Variants in ATP10B observed in about 807,000 individuals in gnomAD.
The protein encoded by ATP10B is phospholipid-transporting ATPase VB.
In ATP10B, 122 loss-of-function variants were observed where a neutral mutation model predicts 141.2. The ratio of observed to expected loss-of-function variants is 0.86; its 90% CI spans 0.75 to 1.00. The LOEUF (loss-of-function observed/expected upper bound fraction) is 1.00, where lower values mean the gene tolerates loss of function less well. Among genes scored for constraint, ATP10B ranks in the 50% least tolerant of loss-of-function variants. The pLI is 0.00. For synonymous variants in ATP10B, 685 were observed against 692.0 expected, an observed-to-expected ratio of 0.99 and a Z score of 0.16; for missense variants, 1,876 against 1,825.3, an observed-to-expected ratio of 1.03 and a Z score of -0.51.
intron 1 of ATP10B, among the ~76,000 whole-genome samples, chr5:160,811,844 C>T (rs546689815): frequency 3.3e-5 from 5 of 152,230 alleles, no homozygotes; most frequent in South Asian, 2.1e-4. Flanking sequence ...GGGCCTTGAG[C>T]GCACATAGGC....
In ATP10B at chr5:160,794,301, T is replaced by G. The variant is rs1581544146; in HGVS notation, c.-575-8498A>C. 2.0e-5 allele frequency among the ~76,000 whole-genome samples: 3 copies of G among 152,288 alleles called. No homozygotes were observed. In the South Asian group the frequency reaches 6.2e-4, roughly 32 times the overall value. On this transcript the variant is annotated intron_variant, in intron 1 of 25. Coordinates refer to ENST00000327245, the MANE Select transcript of ATP10B (RefSeq NM_025153.3). ...ACTGCCTTGTCTGTCCTGCATCCCCTGTTTCCTCTGGACAACTGATTTCCT... is the reference window on the plus strand; with the variant it reads ...ACTGCCTTGTCTGTCCTGCATCCCCGGTTTCCTCTGGACAACTGATTTCCT...
At chr5:160,579,624 T>C (rs1171855179) in intron 24 of ATP10B, among the ~76,000 whole-genome samples, 1 of 152,180 alleles carries the variant, frequency 6.6e-6, no homozygotes, top group African/African-American at 2.4e-5. Flanking sequence ...TTGTGTTTTT[T>C]GCTTAGCATT....
At chr5:160,687,638 G>A (rs1299275657) in intron 5 of ATP10B, among the ~76,000 whole-genome samples, 162 bp downstream of exon 5, 5 of 152,080 alleles carry the variant, frequency 3.3e-5, no homozygotes, top group African/African-American at 9.7e-5. Flanking sequence ...GGTGGTGCAC[G>A]CCTGTGGTCC....
chr5:160,574,906 G>A (rs1395187809), intron 24 of ATP10B, among the ~76,000 whole-genome samples: 2 of 151,210 alleles, frequency 1.3e-5, no homozygotes, highest in South Asian at 2.1e-4. Flanking sequence ...TTTGGTCTTA[G>A]ACTTATCAGC....
Position 160,632,337 on chromosome 5 carries a change from T to C in ATP10B, c.1412A>G (p.Asp471Gly), listed in dbSNP as rs1246492070. 1 of 1,614,060 alleles carries C rather than the reference T, an allele frequency of 6.2e-7. No individual in the cohort carries two copies. The highest frequency in any genetic ancestry group is 1.3e-5 in the African/African-American group (1 of 74,934). Residue 471 changes from aspartate to glycine, a missense_variant, in exon 13 of 26, where the codon GAC (aspartate) becomes GGC (glycine). Physicochemically the swap from Asp to Gly is moderately conservative, Grantham distance 94. Coordinates refer to ENST00000327245, the MANE Select transcript of ATP10B (RefSeq NM_025153.3). The part of the protein sequence containing the change: ...AKRLETPKEL[D>G]SDGEEWTQYQ... Reference sequence around the variant, plus strand: ...TTGGGTCCACTCTTCACCATCTGAGTCCAGCTCCTTTGGGGTCTCCAGTCG... The same window carrying C: ...TTGGGTCCACTCTTCACCATCTGAGCCCAGCTCCTTTGGGGTCTCCAGTCG...
intron 6 of ATP10B, chr5:160,685,335 G>C (rs1359535849): frequency 1.7e-6 from 1 of 575,730 alleles, no homozygotes; most frequent in Non-Finnish European, 3.0e-6. Flanking sequence ...TGAAAAGCCA[G>C]GCTGCAAACC....
At chr5:160,894,750 G>T in the ATP10B span, among the ~76,000 whole-genome samples, 889 of 151,988 alleles carry the variant, frequency 5.8e-3, 7 homozygotes, top group African/African-American at 0.02. Context: ...ATGCATAATC[G>T]CCAGATTCAC....
rs1176154273 is a variant in ATP10B at position 160,622,425 on chromosome 5, A to G, written c.1781T>C (p.Met594Thr). The G allele has an allele frequency of 6.2e-7, 1 of 1,613,462 alleles. No individual in the cohort carries two copies. The highest frequency in any genetic ancestry group is 1.3e-5 in the African/African-American group (1 of 74,772). The change falls in exon 14 of 26, where the codon ATG becomes ACG. Residue 594 changes from methionine to threonine, a missense_variant. Met to Thr is a moderately conservative substitution (Grantham distance 81). Transcript: ENST00000327245. Reference protein sequence around the residue: ...FLALTICNSVMVSTTTEPRQR... With the variant: ...FLALTICNSVTVSTTTEPRQR... ...CCTGGGCTCGGTGGTTGTGGACACC[A>G]TGACAGAGTTGCAGATGGTTAAGGC... is the stretch of plus-strand genomic sequence containing the variant.
intron 3 of ATP10B, among the ~76,000 whole-genome samples, chr5:160,699,193 A>G (rs932477282): frequency 1.3e-5 from 2 of 152,248 alleles, no homozygotes; most frequent in Non-Finnish European, 2.9e-5. Flanking sequence ...CAGTGCAGGC[A>G]ATATTTCCTT....
intron 2 of ATP10B, among the ~76,000 whole-genome samples, chr5:160,781,647 G>A (rs568191223): frequency 1.3e-5 from 2 of 152,286 alleles, no homozygotes; most frequent in African/African-American, 4.8e-5. Flanking sequence ...TTTCCAGTGT[G>A]TTTTGGAGCA....
intron 3 of ATP10B, among the ~76,000 whole-genome samples, chr5:160,704,097 C>T (rs1036253150): frequency 6.6e-6 from 1 of 152,126 alleles, no homozygotes; most frequent in African/African-American, 2.4e-5. Context: ...TCACCTCAGC[C>T]TCTTTAGTAA....
intron 3 of ATP10B, among the ~76,000 whole-genome samples, chr5:160,696,743 C>G (rs1764385403): frequency 6.6e-6 from 1 of 152,182 alleles, no homozygotes; most frequent in African/African-American, 2.4e-5. Context: ...CAACAAACAA[C>G]AGGTTTTTCA....
the ATP10B span, among the ~76,000 whole-genome samples, chr5:160,892,088 T>A: frequency 6.6e-6 from 1 of 152,242 alleles, no homozygotes; most frequent in Admixed American, 6.5e-5. Context: ...AATTAATGAT[T>A]TTTTTCTTTT....
At chr5:160,596,319 A>G (rs1756692379) in intron 22 of ATP10B, among the ~76,000 whole-genome samples, 1 of 152,104 alleles carries the variant, frequency 6.6e-6, no homozygotes, top group African/African-American at 2.4e-5. Flanking sequence ...AGATGCAGAA[A>G]AGGCCTTTGA....
chr5:160,600,066 G>A (rs773005606), intron 21 of ATP10B, among the ~76,000 whole-genome samples: 3 of 152,140 alleles, frequency 2.0e-5, no homozygotes, highest in Non-Finnish European at 4.4e-5. Flanking sequence ...CCAGGAGTGA[G>A]ATATACATCA....
chr5:160,749,204 G>T (rs960640179), intron 2 of ATP10B, among the ~76,000 whole-genome samples: 7 of 152,230 alleles, frequency 4.6e-5, no homozygotes, highest in Non-Finnish European at 8.8e-5. Flanking sequence ...CAGTGAGGGT[G>T]CAGGGAGAGA....
intron 2 of ATP10B, among the ~76,000 whole-genome samples, chr5:160,757,676 G>A (rs1399884124): frequency 6.6e-6 from 1 of 152,132 alleles, no homozygotes; most frequent in Admixed American, 6.5e-5. Context: ...AGACTGGAGA[G>A]TCAGTGTGGT....
chr5:160,803,525 A>C (rs901322958), intron 1 of ATP10B, among the ~76,000 whole-genome samples: 1 of 151,850 alleles, frequency 6.6e-6, no homozygotes, highest in Non-Finnish European at 1.5e-5. Context: ...AAAATACAAA[A>C]ATTAGCCGGG....
At chr5:160,597,489 G>C (rs1224329349) in intron 22 of ATP10B, among the ~76,000 whole-genome samples, 1 of 152,134 alleles carries the variant, frequency 6.6e-6, no homozygotes, top group Non-Finnish European at 1.5e-5. Context: ...TCATGCACAA[G>C]GACTTCATGT....
Sources: allele counts gnomAD v4.1 joint callset (sites outside exome capture counted in the v4.1 genomes callset), GRCh38; gene constraint gnomAD v4.1.1; transcripts MANE v1.5; gene names NCBI Gene and HGNC (gene_info 2026-07-23, HGNC 2026-07-21).